The following MAP3K13 variants were observed in gnomAD, a reference collection of about 807,000 sequenced individuals.
MAP3K13 encodes mitogen-activated protein kinase kinase kinase 13, also known as leucine zipper-bearing kinase.
In MAP3K13, 52 loss-of-function variants were observed where a neutral mutation model predicts 104.0. The ratio of observed to expected loss-of-function variants is 0.50; its 90% confidence interval spans 0.40 to 0.63. The LOEUF is 0.63. Ranked by LOEUF, MAP3K13 falls within the 20% of genes least tolerant of loss-of-function variation. MAP3K13 has a pLI of 0.00. For missense variants in MAP3K13, 914 were observed against 1,218.5 expected (o/e 0.75, Z 3.72); for synonymous variants, 394 against 442.2 (o/e 0.89, Z 1.37).
chr3:185,379,130 G>A (rs981781967), intron 1 of MAP3K13, among the ~76,000 whole-genome samples: 13 of 152,136 alleles, frequency 8.5e-5, no homozygotes, highest in African/African-American at 1.2e-4. Context: ...AGGTGTCCCT[G>A]CAATTGACTT....
In MAP3K13 at chr3:185,451,478, T is replaced by C. The variant is rs566779065; in HGVS notation, c.1278+83T>C. 6.1e-5 allele frequency: 53 copies of C among 869,530 alleles called. No homozygotes were observed. In the African/African-American group the frequency reaches 7.5e-4, roughly 12 times the overall value. 53.9% of individuals were successfully genotyped at this position (869,530 alleles called of 1,614,324 possible). A position where few individuals can be genotyped will look rare whatever the true frequency, so the allele number is the denominator to read the frequency against. ...ACAGAGTAACTCTTAGAAGGGCCCA[T>C]TGTGTTTGTTATAATAGTTATATAA... On this transcript the variant is annotated intron_variant, in intron 7 of 13. Coordinates refer to ENST00000265026, the MANE Select transcript of MAP3K13 (RefSeq NM_004721.5).
chr3:185,362,825 G>A (rs1206234172), upstream of MAP3K13, among the ~76,000 whole-genome samples: 1 of 152,036 alleles, frequency 6.6e-6, no homozygotes, highest in African/African-American at 2.4e-5. Flanking sequence ...TAAAAGATGG[G>A]ATTTCTTCTA....
At chr3:185,305,136 T>A (rs1196366773) in intron 2 of MAP3K13, among the ~76,000 whole-genome samples, 1 of 152,208 alleles carries the variant, frequency 6.6e-6, no homozygotes, top group Admixed American at 6.5e-5. Context: ...GACTTACTAT[T>A]GCCATTTTAA....
At chr3:185,329,265 G>A in intron 2 of MAP3K13, 1 of 703,080 alleles carries the variant, frequency 1.4e-6, no homozygotes, top group Non-Finnish European at 2.6e-6. Context: ...TATGTACCTA[G>A]TGCCGAGAGA....
chr3:185,458,412 T>C (rs1257034855), intron 7 of MAP3K13, among the ~76,000 whole-genome samples: 2 of 151,452 alleles, frequency 1.3e-5, no homozygotes, highest in East Asian at 3.9e-4. Context: ...TATTCTTGAG[T>C]TGCGTACGAT....
intron 2 of MAP3K13, chr3:185,291,586 T>C (rs1720741206): frequency 6.7e-7 from 1 of 1,501,408 alleles, no homozygotes; most frequent in East Asian, 2.5e-5. Context: ...GTAGTAGAAT[T>C]TTTTTGTGTT....
rs762865838 is a variant in MAP3K13, at chr3:185,482,422, G to A, written c.2867G>A (p.Arg956Lys). The change falls in exon 14 of 14, where the codon AGG becomes AAG. Residue 956 changes from arginine to lysine, a missense_variant. Arg to Lys is a conservative substitution (Grantham distance 26). Coordinates refer to ENST00000265026, the MANE Select transcript of MAP3K13 (RefSeq NM_004721.5). The surrounding 1 kb of genome is among the most constrained non-coding windows in gnomAD (Gnocchi z 4.5). ...SDGECSDATV[R>K]TNKHYSSATW ...GGGGAGTGTTCTGATGCCACAGTTA[G>A]GACCAATAAACACTACAGCTCTGCT... 9.3e-6 allele frequency: 15 copies of A among 1,613,886 alleles called. No individual in the cohort carries two copies. Among genetic ancestry groups the A allele is most frequent in the African/African-American group, 8.0e-5 (6 of 74,906 alleles).
At chr3:185,335,650 T>C (rs374040255) in intron 2 of MAP3K13, among the ~76,000 whole-genome samples, 32 of 152,354 alleles carry the variant, frequency 2.1e-4, no homozygotes, top group African/African-American at 6.7e-4. Flanking sequence ...ATAAAACCTA[T>C]GTAACCTATG....
intron 10 of MAP3K13, among the ~76,000 whole-genome samples, chr3:185,470,922 G>C (rs183841948): frequency 2.4e-4 from 36 of 152,162 alleles, no homozygotes; most frequent in African/African-American, 7.2e-4. Flanking sequence ...AAGAACTGAG[G>C]GTCCTGGAAA....
chr3:185,414,204 G>A (rs1287030547), intron 1 of MAP3K13, among the ~76,000 whole-genome samples: 1 of 152,210 alleles, frequency 6.6e-6, no homozygotes, highest in Non-Finnish European at 1.5e-5. Context: ...AAGGGTTGAT[G>A]TGAGGATTAG....
intron 2 of MAP3K13, among the ~76,000 whole-genome samples, chr3:185,332,616 A>G (rs913166832): frequency 6.6e-6 from 1 of 152,212 alleles, no homozygotes; most frequent in Non-Finnish European, 1.5e-5. Context: ...ACTAGTAGCT[A>G]TCTCATGTAA....
chr3:185,300,649 C>T (rs936963067), intron 2 of MAP3K13, among the ~76,000 whole-genome samples: 6 of 152,032 alleles, frequency 3.9e-5, no homozygotes, highest in Non-Finnish European at 7.4e-5. Flanking sequence ...CCTGGCATCA[C>T]GCTGGCTAAT....
chr3:185,314,475 G>A (rs974174054), intron 2 of MAP3K13, among the ~76,000 whole-genome samples: 1 of 151,978 alleles, frequency 6.6e-6, no homozygotes, highest in Non-Finnish European at 1.5e-5. Flanking sequence ...AATTAGCTGG[G>A]CATCGTGATG....
Position 185,363,236 on chromosome 3 carries a change from G to T in MAP3K13, c.-218G>T. ...TCAGCAAGCCTTTGGGCTCCTTTGC[G>T]GTGGGCTGGAGGATTGTGTGGGTGG... On this transcript the variant is annotated 5_prime_UTR_variant, in exon 1 of 14. Coordinates refer to ENST00000265026, the MANE Select transcript of MAP3K13 (RefSeq NM_004721.5). 1 of 985,220 alleles carries T rather than the reference G, an allele frequency of 1.0e-6. No individual in the cohort carries two copies. Among genetic ancestry groups the T allele is most frequent in the Non-Finnish European group, 1.2e-6 (1 of 829,934 alleles). 61.0% of individuals were successfully genotyped at this position (985,220 alleles called of 1,614,324 possible).
chr3:185,423,479 A>G lies in MAP3K13; in HGVS notation c.-85-5018A>G, dbSNP rs1221341581. On this transcript the variant is annotated intron_variant, in intron 1 of 13. Coordinates refer to ENST00000265026, the MANE Select transcript of MAP3K13 (RefSeq NM_004721.5). This position sits in a 1 kb window ranked among gnomAD's most constrained non-coding sequence, Gnocchi z 4.1. ...AAGGTTGTGGCAGGTGATCAGCCAG[A>G]AAGTATAATGAGGAGATCAGTAATG... 6.6e-6 allele frequency among the ~76,000 whole-genome samples: 1 copy of G among 152,250 alleles called. No individual in the cohort carries two copies. Among genetic ancestry groups the G allele is most frequent in the Non-Finnish European group, 1.5e-5 (1 of 68,044 alleles).
intron 2 of MAP3K13, among the ~76,000 whole-genome samples, chr3:185,308,160 G>A (rs1247488117): frequency 1.3e-5 from 2 of 151,922 alleles, no homozygotes; most frequent in East Asian, 1.9e-4. Context: ...ATACAGGGAG[G>A]AAGAGATGTT....
At position 185,423,109 on chromosome 3, in the gene MAP3K13, A is replaced by G. The variant is rs1423248847; in HGVS notation, c.-85-5388A>G. Among the ~76,000 whole-genome samples, 3 of 152,184 alleles carry G rather than the reference A, an allele frequency of 2.0e-5. No homozygotes were observed. The highest frequency in any genetic ancestry group is 4.4e-5 in the Non-Finnish European group (3 of 68,028). ...TGTCTAGTTGCAGGAAAACAAGCTCAGGGCTCCCACTGATTCTACATTATA... is the reference window on the plus strand; with the variant it reads ...TGTCTAGTTGCAGGAAAACAAGCTCGGGGCTCCCACTGATTCTACATTATA... On this transcript the variant is annotated intron_variant, in intron 1 of 13. Transcript: ENST00000265026. This position sits in a 1 kb window ranked among gnomAD's most constrained non-coding sequence, Gnocchi z 4.1.
intron 2 of MAP3K13, among the ~76,000 whole-genome samples, chr3:185,336,954 A>G (rs1722528434): frequency 6.6e-6 from 1 of 152,162 alleles, no homozygotes; most frequent in Admixed American, 6.5e-5. Context: ...GGAAAATGGG[A>G]TAATAATATC....
intron 2 of MAP3K13, among the ~76,000 whole-genome samples, chr3:185,308,834 G>C (rs1721397158): frequency 6.6e-6 from 1 of 152,136 alleles, no homozygotes; most frequent in South Asian, 2.1e-4. Flanking sequence ...GCCTATTATG[G>C]GTGAAATGCA....
Sources: allele counts gnomAD v4.1 joint callset (sites outside exome capture counted in the v4.1 genomes callset), GRCh38; gene constraint gnomAD v4.1.1; non-coding constraint Gnocchi (gnomAD v3.1); transcripts MANE v1.5; gene names NCBI Gene and HGNC (gene_info 2026-07-23, HGNC 2026-07-21).